The following MAP2K5 variants were observed in gnomAD, a reference collection of about 807,000 sequenced individuals.
The protein encoded by MAP2K5 is mitogen-activated protein kinase kinase 5.
In MAP2K5, 49 loss-of-function variants were observed where a neutral mutation model predicts 83.1. The observed-to-expected ratio is 0.59, with a 90% CI of 0.47 to 0.75. MAP2K5 has a LOEUF of 0.75. Among genes scored for constraint, MAP2K5 ranks in the 30% least tolerant of loss-of-function variants. The pLI, the probability that MAP2K5 is intolerant of heterozygous loss-of-function variation, is 0.00. For missense variants in MAP2K5, 457 were observed against 557.5 expected, an observed-to-expected ratio of 0.82 and a Z score of 1.82; for synonymous variants, 202 against 191.8, an observed-to-expected ratio of 1.05 and a Z score of -0.44.
At chr15:67,616,228 G>C (rs1024069790) in intron 8 of MAP2K5, among the ~76,000 whole-genome samples, 1 of 152,142 alleles carries the variant, frequency 6.6e-6, no homozygotes, top group Non-Finnish European at 1.5e-5. Context: ...AGCATCATCT[G>C]TAAGTATAGA....
chr15:67,727,951 A>G lies in MAP2K5; in HGVS notation c.1074+6A>G. On this transcript the variant is annotated splice_donor_region_variant and intron_variant, in intron 17 of 21. Coordinates refer to ENST00000178640, the MANE Select transcript of MAP2K5 (RefSeq NM_145160.3). ...GGAGGTTTCCATATCCTCAGGTAAG[A>G]TTGTTCATTACTGCTGTTTGCCACT... 6.2e-7 allele frequency: 1 copy of G among 1,610,274 alleles called. No individual in the cohort carries two copies. Among genetic ancestry groups the G allele is most frequent in the South Asian group, 1.1e-5 (1 of 91,002 alleles).
At chr15:67,661,739 G>A (rs1203457958) in intron 12 of MAP2K5, among the ~76,000 whole-genome samples, 5 of 151,880 alleles carry the variant, frequency 3.3e-5, no homozygotes, top group African/African-American at 4.8e-5. Flanking sequence ...ATTTTGTATG[G>A]AACCAATTTT....
chr15:67,618,030 A>G (rs1048581167), intron 8 of MAP2K5, among the ~76,000 whole-genome samples: 3 of 152,162 alleles, frequency 2.0e-5, no homozygotes, highest in African/African-American at 7.2e-5. Flanking sequence ...CTAGAAATTC[A>G]GTTTATTCTT....
At chr15:67,627,946 C>A in intron 8 of MAP2K5, 1 of 772,628 alleles carries the variant, frequency 1.3e-6, no homozygotes, top group Non-Finnish European at 2.2e-6. Context: ...GCCTGAGGAG[C>A]CATTTTAAGC....
chr15:67,729,809 A>T (rs1292847689), intron 17 of MAP2K5, among the ~76,000 whole-genome samples: 2 of 152,202 alleles, frequency 1.3e-5, no homozygotes, highest in African/African-American at 4.8e-5. Flanking sequence ...TGACAAGTGA[A>T]GCACATGAAA....
intron 13 of MAP2K5, among the ~76,000 whole-genome samples, chr15:67,664,996 G>A (rs891254756): frequency 5.3e-5 from 8 of 152,072 alleles, no homozygotes; most frequent in East Asian, 3.8e-4. Context: ...ATTTCAGATA[G>A]CATCACACAC....
At chr15:67,788,696 G>A (rs796501896) in intron 21 of MAP2K5, among the ~76,000 whole-genome samples, 4 of 152,082 alleles carry the variant, frequency 2.6e-5, no homozygotes, top group African/African-American at 7.2e-5. Context: ...TAAAAATTTG[G>A]CCAGACATGG....
At chr15:67,630,094 C>G (rs186068998) in intron 8 of MAP2K5, among the ~76,000 whole-genome samples, 1 of 152,270 alleles carries the variant, frequency 6.6e-6, no homozygotes, top group East Asian at 1.9e-4. Flanking sequence ...TAAAAAGTAG[C>G]ATGGTGGCAT....
intron 7 of MAP2K5, among the ~76,000 whole-genome samples, chr15:67,593,819 C>G (rs2085466948): frequency 6.6e-6 from 1 of 152,178 alleles, no homozygotes; most frequent in Non-Finnish European, 1.5e-5. Flanking sequence ...AGGCTGAAAT[C>G]TTAATTATCT....
chr15:67,756,515 CTGTGTGTGTGTGTGTGTGTG>C (rs200627656), intron 19 of MAP2K5, among the ~76,000 whole-genome samples: 7 of 131,602 alleles, frequency 5.3e-5, no homozygotes, highest in South Asian at 2.7e-4. Flanking sequence ...CACACAGTTA[CTGTGTGTGTGTGTGTGTGTG>C]TGTGTGTGTG....
At chr15:67,797,447 G>C (rs1337473315) in intron 21 of MAP2K5, among the ~76,000 whole-genome samples, 1 of 152,096 alleles carries the variant, frequency 6.6e-6, no homozygotes, top group African/African-American at 2.4e-5. Context: ...GAGTTTAATT[G>C]GATTTAGAAG....
At chr15:67,670,315 T>C (rs547427584) in intron 13 of MAP2K5, 51 of 435,224 alleles carry the variant, frequency 1.2e-4, no homozygotes, top group African/African-American at 9.9e-4. Flanking sequence ...TGACAAACAG[T>C]GGAGGAGGAG....
At chr15:67,731,727 A>G (rs920075330) in intron 17 of MAP2K5, among the ~76,000 whole-genome samples, 2 of 152,200 alleles carry the variant, frequency 1.3e-5, no homozygotes, top group African/African-American at 4.8e-5. Flanking sequence ...TTAGGCAGGA[A>G]TGGGTACAGT....
intron 6 of MAP2K5, 70 bp downstream of exon 6, chr15:67,586,983 A>T: frequency 6.6e-7 from 1 of 1,506,610 alleles, no homozygotes; most frequent in Non-Finnish European, 9.2e-7. Context: ...GTGGGGAAGA[A>T]GCTAGAAAGA....
At chr15:67,799,732 C>G (rs2090668003) in intron 21 of MAP2K5, among the ~76,000 whole-genome samples, 1 of 152,212 alleles carries the variant, frequency 6.6e-6, no homozygotes, top group Non-Finnish European at 1.5e-5. Context: ...GTGGGCCCAC[C>G]CACCCAATGT....
At chr15:67,642,341 T>C (rs2086732208) in intron 9 of MAP2K5, 1 of 1,137,244 alleles carries the variant, frequency 8.8e-7, no homozygotes, top group Non-Finnish European at 1.2e-6. Flanking sequence ...CTGGGGGGGA[T>C]AGAAAAATGT....
chr15:67,563,166 C>T lies in MAP2K5; in HGVS notation c.185-117C>T, dbSNP rs1280611671. Reference sequence around the variant, plus strand: ...ACAAACTAATAATGTCAACATACCCCCAAAATGTGGTGTTGAGGGTTAGAA... The same window carrying T: ...ACAAACTAATAATGTCAACATACCCTCAAAATGTGGTGTTGAGGGTTAGAA... On this transcript the variant is annotated intron_variant, in intron 2 of 21. Coordinates refer to ENST00000178640, the MANE Select transcript of MAP2K5 (RefSeq NM_145160.3). The surrounding 1 kb of genome is among the most constrained non-coding windows in gnomAD (Gnocchi z 4.5). 2 of 1,091,442 alleles carry T rather than the reference C, an allele frequency of 1.8e-6. No individual in the cohort carries two copies. Among genetic ancestry groups the T allele is most frequent in the East Asian group, 5.3e-5 (2 of 37,464 alleles). The allele number at this position is 1,091,442 out of a possible 1,614,324, so 67.6% of individuals were successfully genotyped here.
chr15:67,580,494 AT>A (rs1323856860), intron 3 of MAP2K5, among the ~76,000 whole-genome samples: 1 of 151,918 alleles, frequency 6.6e-6, no homozygotes, highest in Admixed American at 6.6e-5. Context: ...ATTTTCAAAT[AT>A]TTCTTAAATA....
chr15:67,551,014 C>T (rs1323925451), intron 2 of MAP2K5, among the ~76,000 whole-genome samples: 1 of 152,110 alleles, frequency 6.6e-6, no homozygotes, highest in Non-Finnish European at 1.5e-5. Context: ...TCAAGTGATC[C>T]ACCCACCTCA....
Sources: gnomAD v4.1 joint callset for allele counts (sites outside exome capture counted in the v4.1 genomes callset) on GRCh38, gnomAD v4.1.1 for gene constraint, Gnocchi (gnomAD v3.1) non-coding constraint, MANE v1.5 for transcripts, NCBI Gene and HGNC (gene_info 2026-07-23, HGNC 2026-07-21) for gene names.